Variants in AADAT observed in about 807,000 individuals in gnomAD.
The protein encoded by AADAT is aminoadipate aminotransferase.
A neutral mutation model predicts 56.2 loss-of-function variants in AADAT; 25 were observed. That is an observed-to-expected ratio of 0.44 (90% confidence interval 0.32 to 0.62). AADAT has a LOEUF of 0.62. AADAT is among the 20% of genes least tolerant of loss of function. The pLI, the probability that AADAT is intolerant of heterozygous loss-of-function variation, is 0.04. For synonymous variants in AADAT, 173 were observed against 164.7 expected, an observed-to-expected ratio of 1.05 and a Z score of -0.39; for missense variants, 387 against 510.5, an observed-to-expected ratio of 0.76 and a Z score of 2.33.
At chr4:170,069,376 G>T in intron 6 of AADAT, 146 bp from the exon 7 acceptor site, 1 of 597,746 alleles carries the variant, frequency 1.7e-6, no homozygotes, top group South Asian at 2.6e-5. Flanking sequence ...CCTTTAACAT[G>T]GAATAACAAA....
At chr4:170,085,875 A>C (rs1211287385) in intron 3 of AADAT, among the ~76,000 whole-genome samples, 3 of 152,130 alleles carry the variant, frequency 2.0e-5, no homozygotes, top group African/African-American at 7.2e-5. Flanking sequence ...ACCAGATTAC[A>C]GTTTTCATAT....
chr4:170,065,978 G>C (rs1388262514), intron 10 of AADAT, among the ~76,000 whole-genome samples: 1 of 152,134 alleles, frequency 6.6e-6, no homozygotes, highest in Non-Finnish European at 1.5e-5. Context: ...AATCAAGTTA[G>C]CAATAGATAA....
intron 6 of AADAT, among the ~76,000 whole-genome samples, chr4:170,070,273 G>C (rs1342164985): frequency 2.0e-5 from 3 of 151,834 alleles, no homozygotes; most frequent in Admixed American, 6.6e-5. Flanking sequence ...CTGTTAACTT[G>C]GATGTGGAGT....
At chr4:170,076,998 T>A (rs1417225106) in intron 4 of AADAT, among the ~76,000 whole-genome samples, 2 of 152,212 alleles carry the variant, frequency 1.3e-5, no homozygotes, top group Non-Finnish European at 2.9e-5. Flanking sequence ...TTGGCACCCT[T>A]ACTGAAATCA....
At chr4:170,093,390 C>A (rs1207230602), upstream of AADAT, among the ~76,000 whole-genome samples, 1 of 152,088 alleles carries the variant, frequency 6.6e-6, no homozygotes, top group Non-Finnish European at 1.5e-5. Flanking sequence ...AAGCCGAGAT[C>A]ACGCCACTGC....
chr4:170,092,847 A>AAG (rs1222756022), upstream of AADAT, among the ~76,000 whole-genome samples: 1 of 152,256 alleles, frequency 6.6e-6, no homozygotes, highest in African/African-American at 2.4e-5. Flanking sequence ...AGCAAACCTT[A>AAG]AGGCCTCAGC....
In AADAT at chr4:170,070,606, T is replaced by C. The variant is rs545729940; in HGVS notation, c.701A>G (p.Tyr234Cys). Residue 234 changes from tyrosine (Y) to cysteine (C), a missense_variant, in exon 6 of 13, where the codon TAT (tyrosine) becomes TGT (cysteine). By Grantham distance (194) the Tyr-to-Cys change is radical. Coordinates refer to ENST00000337664, the MANE Select transcript of AADAT (RefSeq NM_016228.4). ...DFLIIEDDPY[Y>C]FLQFNKFRVP... The stretch of plus-strand genomic sequence containing the variant: ...ACTTACCTTGTTAAACTGGAGAAAA[T>C]AGTAAGGATCATCTTCTATTATGAG... The C allele has an allele frequency of 1.9e-6, 3 of 1,581,416 alleles. No individual in the cohort carries two copies. The highest frequency in any genetic ancestry group is 1.7e-5 in the Admixed American group (1 of 57,552).
intron 6 of AADAT, among the ~76,000 whole-genome samples, chr4:170,069,745 A>G (rs1237277119): frequency 6.6e-6 from 1 of 152,150 alleles, no homozygotes; most frequent in African/African-American, 2.4e-5. Context: ...TACAAATGAG[A>G]AAGGAAATTT....
At chr4:170,073,052 A>C in intron 5 of AADAT, 84 bp downstream of exon 5, 1 of 1,294,302 alleles carries the variant, frequency 7.7e-7, no homozygotes, top group Non-Finnish European at 1.1e-6. Flanking sequence ...AAAGGCTAAG[A>C]AGAAAGGGAG....
chr4:170,070,980 T>G (rs1235059845), intron 5 of AADAT, among the ~76,000 whole-genome samples: 1 of 152,230 alleles, frequency 6.6e-6, no homozygotes, highest in Non-Finnish European at 1.5e-5. Context: ...TGGCGCGATC[T>G]TGGCTCACTG....
chr4:170,090,594 G>GAGGGT (rs1456350589), upstream of AADAT: 1 of 152,094 alleles, frequency 6.6e-6, no homozygotes, highest in African/African-American at 2.4e-5. Flanking sequence ...CCCTCACATT[G>GAGGGT]AATTTCTGAC....
At chr4:170,094,081 G>C (rs74876053), upstream of AADAT, among the ~76,000 whole-genome samples, 368 of 152,314 alleles carry the variant, frequency 2.4e-3, 1 homozygote, top group African/African-American at 6.8e-3. Flanking sequence ...AGTTGTACTG[G>C]TGAGACGGTT....
chr4:170,067,966 C>T (rs1731559220), intron 8 of AADAT, among the ~76,000 whole-genome samples: 1 of 151,950 alleles, frequency 6.6e-6, no homozygotes, highest in Admixed American at 6.6e-5. Flanking sequence ...TGGTGAAACT[C>T]TGTCTCTACT....
chr4:170,092,612 G>C (rs1732901536), upstream of AADAT, among the ~76,000 whole-genome samples: 1 of 152,164 alleles, frequency 6.6e-6, no homozygotes, highest in Non-Finnish European at 1.5e-5. Flanking sequence ...AAACCCACGA[G>C]GCAAAATGCT....
At chr4:170,066,328 C>G in intron 10 of AADAT, 86 bp downstream of exon 10, 3 of 1,164,210 alleles carry the variant, frequency 2.6e-6, no homozygotes, top group Non-Finnish European at 3.9e-6. Flanking sequence ...TCTTTTCCAC[C>G]AGGATTGTTA....
chr4:170,087,286 A>G (rs767123306), intron 2 of AADAT, 38 bp from the exon 3 acceptor site: 2 of 1,580,488 alleles, frequency 1.3e-6, no homozygotes, highest in Non-Finnish European at 1.7e-6. Context: ...CATAGTAGTA[A>G]AAATCATAGT....
upstream of AADAT, among the ~76,000 whole-genome samples, chr4:170,091,889 T>A (rs1347275923): frequency 1.3e-5 from 2 of 152,356 alleles, no homozygotes; most frequent in East Asian, 3.9e-4. Flanking sequence ...ACTCTGTATC[T>A]AACTCATGGT....
chr4:170,087,546 T>C (rs543332253), intron 2 of AADAT, among the ~76,000 whole-genome samples: 4 of 152,318 alleles, frequency 2.6e-5, no homozygotes, highest in East Asian at 1.9e-4. Flanking sequence ...AGCGCATGCG[T>C]TGCATAATCG....
intron 3 of AADAT, among the ~76,000 whole-genome samples, chr4:170,086,777 G>C (rs1414038708): frequency 6.6e-6 from 1 of 152,144 alleles, no homozygotes; most frequent in Non-Finnish European, 1.5e-5. Context: ...AGAAAGATTA[G>C]GCTAGTGAAT....
Sources: gnomAD v4.1 joint callset for allele counts (sites outside exome capture counted in the v4.1 genomes callset) on GRCh38, gnomAD v4.1.1 for gene constraint, MANE v1.5 for transcripts, NCBI Gene and HGNC (gene_info 2026-07-23, HGNC 2026-07-21) for gene names.